The following ASCC3 variants were observed in gnomAD, a reference collection of about 807,000 sequenced individuals.
ASCC3 encodes ASC-1 complex subunit P200.
A neutral mutation model predicts 256.3 loss-of-function variants in ASCC3; 158 were observed. The observed-to-expected ratio is 0.62, with a 90% CI of 0.54 to 0.70. The LOEUF is 0.70. Ranked by LOEUF, ASCC3 falls within the 30% of genes least tolerant of loss-of-function variation. The probability of loss-of-function intolerance (pLI) is 0.00; values close to 1 mark genes in which losing one functional copy is unlikely to be tolerated. For missense variants in ASCC3, 2,259 were observed against 2,626.0 expected (o/e 0.86, Z 3.05); for synonymous variants, 948 against 883.4 (o/e 1.07, Z -1.30).
At chr6:100,794,629 TAGCCGAATA>T (rs1405344900) in intron 8 of ASCC3, among the ~76,000 whole-genome samples, 1 of 152,106 alleles carries the variant, frequency 6.6e-6, no homozygotes, top group African/African-American at 2.4e-5. Context: ...TCCCAGAACT[TAGCCGAATA>T]AGCACAGGAT....
intron 8 of ASCC3, among the ~76,000 whole-genome samples, chr6:100,777,066 C>T (rs1782226352): frequency 6.6e-6 from 1 of 152,060 alleles, no homozygotes; most frequent in Non-Finnish European, 1.5e-5. Context: ...ACAAACCTGG[C>T]TCCATGCCAT....
intron 14 of ASCC3, among the ~76,000 whole-genome samples, chr6:100,666,257 C>A (rs926684975): frequency 3.9e-5 from 6 of 152,090 alleles, no homozygotes; most frequent in African/African-American, 1.4e-4. Flanking sequence ...CCAGTTTTCA[C>A]AATTATAAAC....
At chr6:100,639,880 C>T (rs778346155) in intron 24 of ASCC3, among the ~76,000 whole-genome samples, 3 of 152,116 alleles carry the variant, frequency 2.0e-5, no homozygotes, top group East Asian at 3.9e-4. Flanking sequence ...TTTGGGAGGC[C>T]GAAGCGGATG....
chr6:100,720,849 AC>A (rs1313447446), intron 11 of ASCC3, among the ~76,000 whole-genome samples: 8 of 148,280 alleles, frequency 5.4e-5, no homozygotes, highest in African/African-American at 2.0e-4. Flanking sequence ...ATATATTGAT[AC>A]ACTATATATT....
intron 33 of ASCC3, among the ~76,000 whole-genome samples, chr6:100,603,571 G>T (rs949827485): frequency 1.3e-5 from 2 of 151,984 alleles, no homozygotes; most frequent in Non-Finnish European, 1.5e-5. Flanking sequence ...AAATTATGAT[G>T]TTTGATATAG....
chr6:100,709,759 A>C (rs1778781780), intron 13 of ASCC3, among the ~76,000 whole-genome samples: 1 of 152,190 alleles, frequency 6.6e-6, no homozygotes, highest in Admixed American at 6.5e-5. Context: ...ATTAATATTA[A>C]GTTTGAAGGA....
At chr6:100,784,975 T>C (rs970337413) in intron 8 of ASCC3, among the ~76,000 whole-genome samples, 1 of 151,972 alleles carries the variant, frequency 6.6e-6, no homozygotes, top group Non-Finnish European at 1.5e-5. Context: ...CCTACATCTT[T>C]ACAAACACCA....
intron 8 of ASCC3, among the ~76,000 whole-genome samples, chr6:100,785,255 T>G (rs560539433): frequency 2.0e-5 from 3 of 152,318 alleles, no homozygotes; most frequent in Non-Finnish European, 4.4e-5. Context: ...AGTTACTTAT[T>G]TTCTACAATG....
At chr6:100,679,528 G>A in intron 14 of ASCC3, 90 bp downstream of exon 14, 1 of 1,573,238 alleles carries the variant, frequency 6.4e-7, no homozygotes, top group Non-Finnish European at 8.7e-7. Flanking sequence ...TTAACTTCTT[G>A]GAAATTGAGA....
intron 4 of ASCC3, among the ~76,000 whole-genome samples, chr6:100,837,919 G>C (rs1308771319): frequency 6.6e-6 from 1 of 151,976 alleles, no homozygotes; most frequent in Non-Finnish European, 1.5e-5. Context: ...AATGTATGAG[G>C]TCATGGTTAT....
intron 34 of ASCC3, 104 bp from the exon 35 acceptor site, chr6:100,590,163 T>A (rs1359914377): frequency 1.2e-6 from 1 of 820,170 alleles, no homozygotes; most frequent in Non-Finnish European, 2.0e-6. Flanking sequence ...CCTTTTATTA[T>A]AAAACCTATC....
intron 10 of ASCC3, among the ~76,000 whole-genome samples, chr6:100,754,365 A>T (rs932259202): frequency 1.3e-5 from 2 of 152,170 alleles, no homozygotes; most frequent in African/African-American, 4.8e-5. Context: ...GGTACACAGT[A>T]GGTATTTATG....
Position 100,512,823 on chromosome 6 carries a change from A to G in ASCC3, c.6171T>C (p.Ser2057=). 6.2e-7 allele frequency: 1 copy of G among 1,614,120 alleles called. No individual in the cohort carries two copies. Among genetic ancestry groups the G allele is most frequent in the South Asian group, 1.1e-5 (1 of 91,084 alleles). The change falls in exon 40 of 42, where the codon TCT becomes TCC. Residue 2057 remains serine, a synonymous_variant. Coordinates refer to ENST00000369162, the MANE Select transcript of ASCC3 (RefSeq NM_006828.4). ...DDLVEGHNEL[S]VSTLTADKRD... ...GTTTGTCTGCAGTCAGAGTTGAGAC[A>G]GAGAGTTCATTATGTCCTTCAACTA...
intron 33 of ASCC3, among the ~76,000 whole-genome samples, chr6:100,604,872 T>C (rs1296472252): frequency 6.6e-6 from 1 of 152,116 alleles, no homozygotes; most frequent in Non-Finnish European, 1.5e-5. Flanking sequence ...AGATCCAATA[T>C]ATAGAAAAGG....
At chr6:100,608,176 ATATG>A (rs1189958686) in intron 30 of ASCC3, among the ~76,000 whole-genome samples, 4 of 120,252 alleles carry the variant, frequency 3.3e-5, no homozygotes, top group African/African-American at 1.3e-4. Flanking sequence ...ACATATTTAT[ATATG>A]TGTGTGTATA....
chr6:100,753,660 T>C lies in ASCC3; in HGVS notation c.1737+12905A>G, dbSNP rs534691653. ...CTCGAGTAGTTGGTACTGCAGGCTC[T>C]TGCCACTGCGTCCTGCAAAATGTCT... On this transcript the variant is annotated intron_variant, in intron 10 of 41. Coordinates refer to ENST00000369162, the MANE Select transcript of ASCC3 (RefSeq NM_006828.4). Among the ~76,000 whole-genome samples, 10 of 152,232 alleles carry C rather than the reference T, an allele frequency of 6.6e-5. No individual in the cohort carries two copies. The East Asian group carries it at 1.9e-3, about 29-fold the overall frequency.
chr6:100,583,896 T>A (rs1157684145), intron 36 of ASCC3, among the ~76,000 whole-genome samples: 3 of 152,336 alleles, frequency 2.0e-5, no homozygotes, highest in Middle Eastern at 3.4e-3. Flanking sequence ...GTTGAGCAGT[T>A]TTCAGTGAGT....
In ASCC3 at chr6:100,601,797, C is replaced by T; in HGVS notation, c.5303+13G>A. 3 of 1,611,488 alleles carry T rather than the reference C, an allele frequency of 1.9e-6. No homozygotes were observed. Among genetic ancestry groups the T allele is most frequent in the Non-Finnish European group, 2.5e-6 (3 of 1,178,216 alleles). On this transcript the variant is annotated intron_variant, in intron 34 of 41. Coordinates refer to ENST00000369162, the MANE Select transcript of ASCC3 (RefSeq NM_006828.4). ...GGCAAAACAGAAAGGTATATAACTG[C>T]CCTTGCACTTACCTGGGATTCATGA...
At chr6:100,549,361 T>C (rs1769177648) in intron 36 of ASCC3, among the ~76,000 whole-genome samples, 1 of 152,044 alleles carries the variant, frequency 6.6e-6, no homozygotes, top group African/African-American at 2.4e-5. Context: ...CTGTTTTGAA[T>C]ACTGTCTTCA....
Sources: allele counts gnomAD v4.1 joint callset (sites outside exome capture counted in the v4.1 genomes callset), GRCh38; gene constraint gnomAD v4.1.1; transcripts MANE v1.5; gene names NCBI Gene and HGNC (gene_info 2026-07-23, HGNC 2026-07-21).